Variants in CWC25 observed in about 807,000 individuals in gnomAD.
CWC25 encodes the protein pre-mRNA-splicing factor CWC25 homolog.
CWC25 carries 31 observed loss-of-function variants against 54.6 expected under a neutral mutation model. The ratio of observed to expected loss-of-function variants is 0.57; its 90% CI spans 0.43 to 0.77. The LOEUF (loss-of-function observed/expected upper bound fraction) is 0.77. Ranked by LOEUF, CWC25 falls within the 30% of genes least tolerant of loss-of-function variation. The probability of loss-of-function intolerance (pLI) is 0.00; values close to 1 mark genes in which losing one functional copy is unlikely to be tolerated. For missense variants in CWC25, 453 were observed against 529.3 expected (o/e 0.86, Z 1.41); for synonymous variants, 151 against 187.0 (o/e 0.81, Z 1.57).
In CWC25 at chr17:38,808,092, A is replaced by G. The variant is rs1911328860; in HGVS notation, c.691-1116T>C. On this transcript the variant is annotated intron_variant, in intron 6 of 9. Transcript: ENST00000614790. ...AAAAAAGAAAAGAAAAGAAAAGAAT[A>G]TACCTGGCTTGGCTGGGTGCAGTGG... Among the ~76,000 whole-genome samples, 3 of 131,246 alleles carry G rather than the reference A, an allele frequency of 2.3e-5. 1 individual carries two copies. Among genetic ancestry groups the G allele is most frequent in the Admixed American group, 1.7e-4 (2 of 11,868 alleles). The allele number at this position is 131,246 out of a possible 152,430, so 86.1% of individuals were successfully genotyped here.
Position 38,825,283 on chromosome 17 carries a change from G to C in CWC25, c.-100C>G, listed in dbSNP as rs764962585. 1.5e-6 allele frequency: 2 copies of C among 1,324,900 alleles called. No homozygotes were observed. The highest frequency in any genetic ancestry group is 1.0e-6 in the Non-Finnish European group (1 of 968,048). The allele number at this position is 1,324,900 out of a possible 1,614,324, so 82.1% of individuals were successfully genotyped here. On this transcript the variant is annotated 5_prime_UTR_variant, in exon 1 of 10. Coordinates refer to ENST00000614790, the MANE Select transcript of CWC25 (RefSeq NM_017748.5). ...TTCGGGGGCTACCTCGCGGGATCTA[G>C]TCCCAGGAGCCGTCAACTGCCAGTT...
chr17:38,804,264 CA>C (rs1262611835), intron 8 of CWC25, among the ~76,000 whole-genome samples: 1 of 151,928 alleles, frequency 6.6e-6, no homozygotes, highest in Non-Finnish European at 1.5e-5. Context: ...CTCACTGAAC[CA>C]AAAATTCTGA....
chr17:38,806,920 C>T lies in CWC25; in HGVS notation c.747G>A (p.Lys249=). The T allele has an allele frequency of 3.1e-6, 5 of 1,614,002 alleles. No individual in the cohort carries two copies. Among genetic ancestry groups the T allele is most frequent in the Non-Finnish European group, 4.2e-6 (5 of 1,179,894 alleles). ...GLQGPLTAEQ[K]RGHGMKNHSR... ...AATGGTTCTTCATCCCATGCCCTCT[C>T]TTTTGCTCTGCTGTCAGAGGACCCT... Residue 249 remains lysine (K), a synonymous_variant, in exon 7 of 10, where the codon AAG becomes AAA. Transcript: ENST00000614790.
In CWC25 at chr17:38,825,249, G is replaced by A. The variant is rs1259201938; in HGVS notation, c.-66C>T. 2 of 1,524,752 alleles carry A rather than the reference G, an allele frequency of 1.3e-6. No individual in the cohort carries two copies. Among genetic ancestry groups the A allele is most frequent in the Non-Finnish European group, 1.8e-6 (2 of 1,128,278 alleles). The allele number at this position is 1,524,752 out of a possible 1,614,324, so 94.5% of individuals were successfully genotyped here. A position where few individuals can be genotyped will look rare whatever the true frequency, so the allele number is the denominator to read the frequency against. ...TTCGGGAGGATCAAGAGAAAACGTA[G>A]AGAAATAGTTCGGGGGCTACCTCGC... is the stretch of plus-strand genomic sequence containing the variant. On this transcript the variant is annotated 5_prime_UTR_variant, in exon 1 of 10. Transcript: ENST00000614790.
intron 4 of CWC25, among the ~76,000 whole-genome samples, chr17:38,811,978 G>GCCCA (rs1911508123): frequency 6.6e-6 from 1 of 150,416 alleles, no homozygotes; most frequent in South Asian, 2.1e-4. Flanking sequence ...CGCTCTTGTT[G>GCCCA]CCCAGGCTGG....
intron 7 of CWC25, 137 bp from the exon 8 acceptor site, chr17:38,806,532 T>G: frequency 1.2e-6 from 1 of 831,196 alleles, no homozygotes; most frequent in Non-Finnish European, 1.9e-6. Flanking sequence ...GGTATAGGGT[T>G]TGATGTTAGA....
rs775898199 is a variant in CWC25 at position 38,806,273 on chromosome 17, T to TA, written c.1001+23dup. 6 of 1,587,046 alleles carry TA rather than the reference T, an allele frequency of 3.8e-6. No individual in the cohort carries two copies. The Admixed American group carries it at 1.1e-4, about 28-fold the overall frequency. ...TAGATTCAGGCCTGCAAAATGTGGTTAATCAACTGGGCTCCTGACTCACCT... is the reference window on the plus strand; with the variant it reads ...TAGATTCAGGCCTGCAAAATGTGGTTAAATCAACTGGGCTCCTGACTCACCT... On this transcript the variant is annotated intron_variant, in intron 8 of 9. Transcript: ENST00000614790.
At chr17:38,813,548 C>CAA (rs35706016) in intron 3 of CWC25, among the ~76,000 whole-genome samples, 1,081 of 103,074 alleles carry the variant, frequency 0.01, 12 homozygotes, top group African/African-American at 0.034. Context: ...GAGATTGTCT[C>CAA]AAAAAAAAAA....
chr17:38,812,701 G>T, intron 4 of CWC25, 94 bp downstream of exon 4: 1 of 713,900 alleles, frequency 1.4e-6, no homozygotes, highest in Non-Finnish European at 2.4e-6. Flanking sequence ...AGGCCATTCT[G>T]TTTTTCCCCT....
Position 38,814,896 on chromosome 17 carries a change from G to A in CWC25, c.393C>T (p.Ala131=). 2 of 1,613,450 alleles carry A rather than the reference G, an allele frequency of 1.2e-6. No homozygotes were observed. Among genetic ancestry groups the A allele is most frequent in the Middle Eastern group, 3.3e-4 (2 of 6,060 alleles). The stretch of plus-strand genomic sequence containing the variant: ...AGAGTGGGTCCTCCCGGATCTTGCT[G>A]GCCATGTCAAGAAGGGAATTGGCAC... ...PSGANSLLDM[A]SKIREDPLFI... is the part of the protein sequence containing the mutation. The change falls in exon 3 of 10, where the codon GCC becomes GCT. Residue 131 remains alanine, a synonymous_variant. Coordinates refer to ENST00000614790, the MANE Select transcript of CWC25 (RefSeq NM_017748.5).
Position 38,806,944 on chromosome 17 carries a change from CT to C in CWC25, c.722del (p.Gln241ArgfsTer4), listed in dbSNP as rs776495640. 6.2e-7 allele frequency: 1 copy of C among 1,613,634 alleles called. No homozygotes were observed. The highest frequency in any genetic ancestry group is 1.1e-5 in the South Asian group (1 of 91,062). The stretch of plus-strand genomic sequence containing the variant: ...TCTTTTGCTCTGCTGTCAGAGGACC[CT>C]GAAGACCCTGGTTACGGTCAGAGTT... ...VRNSDRNQGL[Q>X]GPLTAEQKRG... On this transcript the variant is annotated frameshift_variant, in exon 7 of 10. Transcript: ENST00000614790. LOFTEE classifies it high-confidence loss of function.
At chr17:38,811,926 G>A (rs887792769) in intron 4 of CWC25, among the ~76,000 whole-genome samples, 33 of 151,718 alleles carry the variant, frequency 2.2e-4, no homozygotes, top group African/African-American at 7.8e-4. Context: ...AATGGTAAGT[G>A]GGCCCTAGAA....
chr17:38,808,744 G>A (rs1219704926), intron 6 of CWC25, among the ~76,000 whole-genome samples: 1 of 151,656 alleles, frequency 6.6e-6, no homozygotes, highest in East Asian at 1.9e-4. Flanking sequence ...TTGCACCATT[G>A]CACTCCAGCC....
chr17:38,806,486 G>A, intron 7 of CWC25, 91 bp from the exon 8 acceptor site: 1 of 1,101,106 alleles, frequency 9.1e-7, no homozygotes, highest in South Asian at 1.4e-5. Context: ...TGAGCTAATG[G>A]TCTTAGAGGT....
At chr17:38,809,874 TC>T in intron 5 of CWC25, 109 bp from the exon 6 acceptor site, 1 of 936,596 alleles carries the variant, frequency 1.1e-6, no homozygotes, top group Non-Finnish European at 1.6e-6. Flanking sequence ...CCTTTCCGCC[TC>T]CCAGCAGTTA....
chr17:38,806,761 TCA>T lies in CWC25; in HGVS notation c.902+2_902+3del, dbSNP rs1326337648. 4 of 1,567,994 alleles carry T rather than the reference TCA, an allele frequency of 2.6e-6. No individual in the cohort carries two copies. In the East Asian group the frequency reaches 9.0e-5, roughly 35 times the overall value. On this transcript the variant is annotated splice_donor_variant and splice_donor_region_variant and intron_variant, in intron 7 of 9. Transcript: ENST00000614790. LOFTEE classifies it high-confidence loss of function. ...GGTTATTTCCCAGTGAATCCCACAC[TCA>T]CAGTTTGCTGGGTCTTGGGGACCGT...
chr17:38,804,493 A>C (rs1291475090), intron 8 of CWC25, among the ~76,000 whole-genome samples: 1 of 152,024 alleles, frequency 6.6e-6, no homozygotes, highest in Non-Finnish European at 1.5e-5. Flanking sequence ...AACACATTGA[A>C]ACCCCATCTA....
Position 38,805,717 on chromosome 17 carries a change from T to C in CWC25, c.1001+580A>G, listed in dbSNP as rs1911209368. Among the ~76,000 whole-genome samples the C allele has an allele frequency of 2.0e-5, 3 of 152,136 alleles. No homozygotes were observed. In the South Asian group the frequency reaches 6.2e-4, roughly 32 times the overall value. ...GCTTGATCGTAGCTCACTGCAACCT[T>C]AATCCCTTGACCTTAAGTGATCCTC... is the stretch of plus-strand genomic sequence containing the variant. On this transcript the variant is annotated intron_variant, in intron 8 of 9. Coordinates refer to ENST00000614790, the MANE Select transcript of CWC25 (RefSeq NM_017748.5).
intron 6 of CWC25, among the ~76,000 whole-genome samples, chr17:38,809,371 T>G (rs1459824567): frequency 1.4e-5 from 2 of 146,038 alleles, no homozygotes; most frequent in African/African-American, 5.1e-5. Flanking sequence ...GAGGTTGCAG[T>G]GAGCCGAGAT....
Sources: gnomAD v4.1 joint callset for allele counts (sites outside exome capture counted in the v4.1 genomes callset) on GRCh38, gnomAD v4.1.1 for gene constraint, MANE v1.5 for transcripts, NCBI Gene and HGNC (gene_info 2026-07-23, HGNC 2026-07-21) for gene names.